The following ICA1L variants were observed in gnomAD, a reference collection of about 807,000 sequenced individuals.
ICA1L encodes the protein islet cell autoantigen 1-like protein.
ICA1L carries 50 observed loss-of-function variants against 61.3 expected under a neutral mutation model. That is an observed-to-expected ratio of 0.82 (90% CI 0.65 to 1.03). The LOEUF is 1.03. Ranked by LOEUF, ICA1L falls within the 50% of genes least tolerant of loss-of-function variation. The pLI is 0.00. For synonymous variants in ICA1L, 161 were observed against 191.3 expected (o/e 0.84, Z 1.31); for missense variants, 508 against 556.7 (o/e 0.91, Z 0.88).
intron 1 of ICA1L, among the ~76,000 whole-genome samples, chr2:202,853,695 A>G (rs1047204094): frequency 3.3e-5 from 5 of 152,230 alleles, no homozygotes; most frequent in Non-Finnish European, 7.3e-5. Context: ...TGGGCAAAGA[A>G]TATGAACACA....
intron 1 of ICA1L, among the ~76,000 whole-genome samples, chr2:202,834,927 C>A (rs1442435577): frequency 1.3e-5 from 2 of 152,050 alleles, no homozygotes; most frequent in Non-Finnish European, 2.9e-5. Flanking sequence ...AACTCCTGGG[C>A]TCAAGTAATC....
intron 8 of ICA1L, among the ~76,000 whole-genome samples, chr2:202,814,430 C>G (rs1480032736): frequency 6.6e-6 from 1 of 152,210 alleles, no homozygotes; most frequent in East Asian, 1.9e-4. Context: ...TATGAAGCAG[C>G]ACTAAAGCCC....
chr2:202,820,354 G>A (rs1234979257), intron 4 of ICA1L, among the ~76,000 whole-genome samples: 7 of 149,346 alleles, frequency 4.7e-5, no homozygotes, highest in East Asian at 3.9e-4. Flanking sequence ...CAGCCTGGGC[G>A]ACAGAGCGAA....
intron 9 of ICA1L, among the ~76,000 whole-genome samples, chr2:202,811,429 C>T (rs529848052): frequency 9.9e-5 from 15 of 151,914 alleles, no homozygotes; most frequent in Middle Eastern, 3.4e-3. Context: ...CCGAGGTGGG[C>T]GGATCGGATC....
chr2:202,817,723 TGTTA>T (rs1693577901), intron 5 of ICA1L, among the ~76,000 whole-genome samples, 180 bp from the exon 6 acceptor site: 1 of 152,196 alleles, frequency 6.6e-6, no homozygotes, highest in African/African-American at 2.4e-5. Flanking sequence ...ATTTTGCTAC[TGTTA>T]GTAATTGTAG....
rs1300739520 is a variant in ICA1L, at chr2:202,775,451, T to G, written c.*4082A>C. ...TTGTTACTGAAAGTATTTACATAAATAACGTACATTATATTATTTCCCATA... is the reference window on the plus strand; with the variant it reads ...TTGTTACTGAAAGTATTTACATAAAGAACGTACATTATATTATTTCCCATA... On this transcript the variant is annotated 3_prime_UTR_variant, in exon 13 of 13. Coordinates refer to ENST00000358299, the MANE Select transcript of ICA1L (RefSeq NM_001288622.3). 6.6e-6 allele frequency: 1 copy of G among 152,258 alleles called. No individual in the cohort carries two copies. Among genetic ancestry groups the G allele is most frequent in the African/African-American group, 2.4e-5 (1 of 41,472 alleles). 9.4% of individuals were successfully genotyped at this position (152,258 alleles called of 1,614,324 possible).
intron 5 of ICA1L, among the ~76,000 whole-genome samples, chr2:202,819,135 G>T (rs1693627691): frequency 6.6e-6 from 1 of 152,080 alleles, no homozygotes; most frequent in African/African-American, 2.4e-5. Context: ...TAAATATTAT[G>T]ATTTATATTA....
At position 202,775,081 on chromosome 2, in the gene ICA1L, G is replaced by A. The variant is rs138516668; in HGVS notation, c.*4452C>T. 13 of 152,284 alleles carry A rather than the reference G, an allele frequency of 8.5e-5. No homozygotes were observed. Among genetic ancestry groups the A allele is most frequent in the Non-Finnish European group, 1.3e-4 (9 of 68,024 alleles). The allele number at this position is 152,284 out of a possible 1,614,324, so 9.4% of individuals were successfully genotyped here. On this transcript the variant is annotated 3_prime_UTR_variant, in exon 13 of 13. Transcript: ENST00000358299. ...AAAAATAGCTTATGTTGGGCTTCTG[G>A]ATGTGACCCATCTTTACCAACCATT...
At chr2:202,781,168 G>A (rs1448024819) in intron 12 of ICA1L, among the ~76,000 whole-genome samples, 1 of 152,080 alleles carries the variant, frequency 6.6e-6, no homozygotes, top group Non-Finnish European at 1.5e-5. Context: ...ACTGCCTCCA[G>A]AGATTCTTAT....
intron 12 of ICA1L, among the ~76,000 whole-genome samples, chr2:202,782,405 T>C (rs1017722265): frequency 1.3e-5 from 2 of 151,798 alleles, no homozygotes; most frequent in Admixed American, 1.3e-4. Context: ...TTGTTTGTTT[T>C]GTTTTTGGTT....
intron 7 of ICA1L, among the ~76,000 whole-genome samples, chr2:202,815,147 T>A (rs1693497154): frequency 6.6e-6 from 1 of 152,160 alleles, no homozygotes; most frequent in African/African-American, 2.4e-5. Flanking sequence ...GGATATAAAA[T>A]TTGCCTAAAT....
At chr2:202,808,335 G>T (rs1424431732) in intron 9 of ICA1L, among the ~76,000 whole-genome samples, 1 of 152,192 alleles carries the variant, frequency 6.6e-6, no homozygotes, top group Non-Finnish European at 1.5e-5. Context: ...CGATAGCCAG[G>T]CAGTACCTGC....
intron 9 of ICA1L, among the ~76,000 whole-genome samples, chr2:202,810,617 A>C (rs1467242628): frequency 6.6e-6 from 1 of 152,068 alleles, no homozygotes; most frequent in Non-Finnish European, 1.5e-5. Context: ...AAAAAAGAAC[A>C]GGATAACAGC....
At position 202,786,410 on chromosome 2, in the gene ICA1L, G is replaced by A. The variant is rs928824139; in HGVS notation, c.1244-403C>T. On this transcript the variant is annotated intron_variant, in intron 11 of 12. Transcript: ENST00000358299. ...AAAAAATACAAAAAATTAGCCGGGCGCGGTGGCGGGCGCCTGTAGTCCCAG... is the reference window on the plus strand; with the variant it reads ...AAAAAATACAAAAAATTAGCCGGGCACGGTGGCGGGCGCCTGTAGTCCCAG... 7.9e-5 allele frequency among the ~76,000 whole-genome samples: 12 copies of A among 151,978 alleles called. No individual in the cohort carries two copies. The South Asian group carries it at 1.9e-3, about 24-fold the overall frequency.
chr2:202,800,573 C>A (rs1176767485), intron 9 of ICA1L, among the ~76,000 whole-genome samples: 1 of 152,062 alleles, frequency 6.6e-6, no homozygotes, highest in Non-Finnish European at 1.5e-5. Context: ...AGTATAGACA[C>A]ACATAGAGAC....
chr2:202,802,562 A>G (rs1338054868), intron 9 of ICA1L, among the ~76,000 whole-genome samples: 1 of 152,156 alleles, frequency 6.6e-6, no homozygotes, highest in African/African-American at 2.4e-5. Flanking sequence ...CTGAAAGAGC[A>G]GAATACCAAA....
intron 1 of ICA1L, among the ~76,000 whole-genome samples, chr2:202,848,664 G>A (rs563804174): frequency 1.3e-5 from 2 of 152,290 alleles, no homozygotes; most frequent in East Asian, 1.9e-4. Context: ...AGTCTGAAAA[G>A]TCATAAATCT....
At chr2:202,792,175 AAAAT>A (rs1383284591) in intron 10 of ICA1L, among the ~76,000 whole-genome samples, 2 of 152,112 alleles carry the variant, frequency 1.3e-5, no homozygotes, top group African/African-American at 4.8e-5. Flanking sequence ...CTCAAAAAAT[AAAAT>A]AAAATATAGA....
At chr2:202,782,145 A>C (rs960955915) in intron 12 of ICA1L, among the ~76,000 whole-genome samples, 1 of 152,098 alleles carries the variant, frequency 6.6e-6, no homozygotes, top group Non-Finnish European at 1.5e-5. Flanking sequence ...CAGGAATTTG[A>C]GACCAGCCTG....
Sources: gnomAD v4.1 joint callset for allele counts (sites outside exome capture counted in the v4.1 genomes callset) on GRCh38, gnomAD v4.1.1 for gene constraint, MANE v1.5 for transcripts, NCBI Gene and HGNC (gene_info 2026-07-23, HGNC 2026-07-21) for gene names.